Variants in NCAPH2 observed in about 807,000 individuals in gnomAD.
NCAPH2 encodes non-SMC condensin II complex subunit H2, also known as condensin-2 complex subunit H2.
NCAPH2 carries 56 observed loss-of-function variants against 88.6 expected under a neutral mutation model. The observed-to-expected ratio is 0.63, with a 90% CI of 0.51 to 0.79. The LOEUF is 0.79. Among genes scored for constraint, NCAPH2 ranks in the 30% least tolerant of loss-of-function variants. The probability of loss-of-function intolerance (pLI) is 0.00; values close to 1 mark genes in which losing one functional copy is unlikely to be tolerated. For missense variants in NCAPH2, 794 were observed against 792.0 expected (o/e 1.00, Z -0.03); for synonymous variants, 378 against 313.6 (o/e 1.21, Z -2.17).
At position 50,523,179 on chromosome 22, in the gene NCAPH2, G is replaced by A. The variant is rs2069167865; in HGVS notation, c.1677+13G>A. The A allele has an allele frequency of 6.2e-7, 1 of 1,613,566 alleles. No individual in the cohort carries two copies. Among genetic ancestry groups the A allele is most frequent in the Admixed American group, 1.7e-5 (1 of 59,960 alleles). On this transcript the variant is annotated intron_variant, in intron 19 of 19. Coordinates refer to ENST00000420993, the MANE Select transcript of NCAPH2 (RefSeq NM_152299.4). ...CTCCCTGCAGCTGGTGAGTAGCCTG[G>A]GATACGTGGGAGGGGGAGACGGTCC...
intron 1 of NCAPH2, among the ~76,000 whole-genome samples, chr22:50,514,722 C>T (rs1356579598): frequency 6.6e-6 from 1 of 152,220 alleles, no homozygotes; most frequent in African/African-American, 2.4e-5. Context: ...GGTCCTTACA[C>T]TCCGTAGACG....
rs141300835 is a variant in NCAPH2 at position 50,518,714 on chromosome 22, G to A, written c.712G>A (p.Gly238Ser). ...SVCRSPVPALGFSQEPGPSPE... is the reference protein window; with the variant it reads ...SVCRSPVPALSFSQEPGPSPE... ...GTGCAGGAGCCCTGTCCCAGCACTC[G>A]GCTTCTCCCAGGAGCCAGGTGAGAA... Residue 238 changes from glycine to serine, a missense_variant, in exon 8 of 20, where the codon GGC becomes AGC. Physicochemically the swap from Gly to Ser is moderately conservative, Grantham distance 56. Transcript: ENST00000420993. 3.1e-4 allele frequency: 505 copies of A among 1,606,978 alleles called. 1 individual carries two copies. The African/African-American group carries it at 5.5e-3, about 18-fold the overall frequency.
Position 50,517,946 on chromosome 22 carries a change from G to A in NCAPH2, c.421-27G>A, listed in dbSNP as rs776787206. Reference sequence around the variant, plus strand: ...CTCCACTGGAGTGGAAGGGTGCCTGGCTCACCCACCCTTGGCCTCCATGCA... The same window carrying A: ...CTCCACTGGAGTGGAAGGGTGCCTGACTCACCCACCCTTGGCCTCCATGCA... On this transcript the variant is annotated intron_variant, in intron 5 of 19. Transcript: ENST00000420993. 2.7e-5 allele frequency: 43 copies of A among 1,608,502 alleles called. No homozygotes were observed. In the East Asian group the frequency reaches 7.8e-4, roughly 29 times the overall value.
In NCAPH2 at chr22:50,521,749, T is replaced by C. The variant is rs2069105973; in HGVS notation, c.1009T>C (p.Tyr337His). The part of the protein sequence containing the change: ...ESKPFKKGRP[Y>H]SVPPCVEEAL... ...TCCCTGTTTGCCCCCAGGTAGGCCT[T>C]ACTCTGTGCCCCCCTGTGTGGAGGA... Residue 337 changes from tyrosine (Y) to histidine (H), a missense_variant, in exon 12 of 20, where the codon TAC becomes CAC. This residue lies in a region of NCAPH2 where 735 missense variants were observed against 696.3 expected (regional missense o/e 1.06). Coordinates refer to ENST00000420993, the MANE Select transcript of NCAPH2 (RefSeq NM_152299.4). The C allele has an allele frequency of 1.2e-6, 2 of 1,613,932 alleles. No homozygotes were observed.
rs771629047 is a variant in NCAPH2 at position 50,524,198 on chromosome 22, C to T, written c.*823C>T. 2.2e-5 allele frequency: 35 copies of T among 1,608,628 alleles called. No homozygotes were observed. The highest frequency in any genetic ancestry group is 1.1e-4 in the East Asian group (5 of 44,890). ...GCCCTCAGGGCCAGCCAGGCCCCAC[C>T]GAGTCCAGCCCCGAACAGGCCTGTG... is the stretch of plus-strand genomic sequence containing the variant. On this transcript the variant is annotated 3_prime_UTR_variant, in exon 20 of 20. Transcript: ENST00000420993.
intron 6 of NCAPH2, 38 bp downstream of exon 6, chr22:50,518,090 C>T (rs749922312): frequency 1.2e-5 from 20 of 1,613,268 alleles, no homozygotes; most frequent in Middle Eastern, 1.6e-4. Context: ...GGGAGGCCTG[C>T]CTGGGAAGGG....
chr22:50,521,429 G>C, intron 10 of NCAPH2, 114 bp from the exon 11 acceptor site: 2 of 1,111,260 alleles, frequency 1.8e-6, no homozygotes, highest in Non-Finnish European at 2.7e-6. Context: ...TGGGAGCGCG[G>C]CTGTGTACCC....
At position 50,523,045 on chromosome 22, in the gene NCAPH2, C is replaced by T. The variant is rs756864328; in HGVS notation, c.1556C>T (p.Thr519Ile). Residue 519 changes from threonine to isoleucine, a missense_variant, in exon 19 of 20, where the codon ACC becomes ATC. Thr to Ile is a moderately conservative substitution (Grantham distance 89, BLOSUM62 -1). Coordinates refer to ENST00000420993, the MANE Select transcript of NCAPH2 (RefSeq NM_152299.4). ...CAGCATGTGCCCTTTGACATCCACACCTATGGGGACCAGCTGGTCTCACGG... is the reference window on the plus strand; with the variant it reads ...CAGCATGTGCCCTTTGACATCCACATCTATGGGGACCAGCTGGTCTCACGG... Reference protein sequence around the residue: ...QEQHVPFDIHTYGDQLVSRFP... With the variant: ...QEQHVPFDIHIYGDQLVSRFP... 1.2e-6 allele frequency: 2 copies of T among 1,604,426 alleles called. No homozygotes were observed. The highest frequency in any genetic ancestry group is 1.7e-5 in the Admixed American group (1 of 59,700).
At chr22:50,510,902 A>G (rs2068763883) in intron 1 of NCAPH2, among the ~76,000 whole-genome samples, 2 of 151,178 alleles carry the variant, frequency 1.3e-5, no homozygotes, top group Non-Finnish European at 2.9e-5. Flanking sequence ...GCTGGAGTGC[A>G]GTGGCATGAT....
intron 9 of NCAPH2, chr22:50,519,758 A>G (rs951436630): frequency 8.0e-6 from 8 of 1,002,128 alleles, no homozygotes; most frequent in African/African-American, 5.2e-5. Flanking sequence ...CCTGATGCAT[A>G]CAGAGGAAAT....
intron 1 of NCAPH2, among the ~76,000 whole-genome samples, chr22:50,515,368 C>T (rs1045692036): frequency 1.3e-5 from 2 of 151,422 alleles, no homozygotes; most frequent in African/African-American, 4.9e-5. Flanking sequence ...TGAGACCAAC[C>T]TGGGCAACAT....
intron 9 of NCAPH2, chr22:50,519,710 A>G: frequency 9.4e-7 from 1 of 1,066,596 alleles, no homozygotes; most frequent in Non-Finnish European, 1.1e-6. Context: ...GCCTAGAGCC[A>G]AGAAATCCTT....
At chr22:50,509,318 C>T (rs2068721059) in intron 1 of NCAPH2, among the ~76,000 whole-genome samples, 1 of 152,156 alleles carries the variant, frequency 6.6e-6, no homozygotes, top group East Asian at 1.9e-4. Context: ...TATCCAGCTG[C>T]TCTCTTGACA....
Position 50,508,364 on chromosome 22 carries a change from C to G in NCAPH2, c.27C>G (p.Ala9=), listed in dbSNP as rs1187697429. The G allele has an allele frequency of 1.3e-6, 2 of 1,483,020 alleles. No homozygotes were observed. Among genetic ancestry groups the G allele is most frequent in the Non-Finnish European group, 8.9e-7 (1 of 1,121,124 alleles). The allele number at this position is 1,483,020 out of a possible 1,614,324, so 91.9% of individuals were successfully genotyped here. MEDVEARF[A]HLLQPIRDLT... is the part of the protein sequence containing the mutation. Reference sequence around the variant, plus strand: ...TGGAGGACGTGGAGGCGCGCTTCGCCCACCTCTTGCAGCCCATCCGCGACC... The same window carrying G: ...TGGAGGACGTGGAGGCGCGCTTCGCGCACCTCTTGCAGCCCATCCGCGACC... The change falls in exon 1 of 20, where the codon GCC becomes GCG. Residue 9 remains alanine, a synonymous_variant. Coordinates refer to ENST00000420993, the MANE Select transcript of NCAPH2 (RefSeq NM_152299.4).
chr22:50,518,620 T>A, intron 7 of NCAPH2, 29 bp from the exon 8 acceptor site: 1 of 1,577,074 alleles, frequency 6.3e-7, no homozygotes, highest in Non-Finnish European at 8.6e-7. Context: ...GGGGCTGGGC[T>A]GACCTTGTCT....
chr22:50,521,444 C>G, intron 10 of NCAPH2, 99 bp from the exon 11 acceptor site: 2 of 1,281,064 alleles, frequency 1.6e-6, no homozygotes, highest in Non-Finnish European at 2.3e-6. Context: ...GTACCCCCTA[C>G]TCTTCCTTTG....
intron 1 of NCAPH2, among the ~76,000 whole-genome samples, chr22:50,515,272 C>T (rs543810800): frequency 3.9e-5 from 6 of 152,262 alleles, no homozygotes; most frequent in East Asian, 3.9e-4. Context: ...TTCAAAGTGT[C>T]GTTTGTGGCT....
At chr22:50,513,319 G>A (rs1054573375) in intron 1 of NCAPH2, among the ~76,000 whole-genome samples, 1 of 151,696 alleles carries the variant, frequency 6.6e-6, no homozygotes, top group Non-Finnish European at 1.5e-5. Context: ...AGCAGTTTGG[G>A]GGGCCAAGGT....
In NCAPH2 at chr22:50,522,094, C is replaced by CCCCA. The variant is rs2069120413; in HGVS notation, c.1162+58_1162+61dup. 3 of 1,612,976 alleles carry CCCCA rather than the reference C, an allele frequency of 1.9e-6. No homozygotes were observed. The African/African-American group carries it at 4.0e-5, about 22-fold the overall frequency. On this transcript the variant is annotated intron_variant, in intron 13 of 19. Transcript: ENST00000420993. ...TTTACTCTCCTTCCCCTACCTCTTC[C>CCCCA]CCCACCTGGTGTCACCCAAAGCCTT...
Sources: allele counts gnomAD v4.1 joint callset (sites outside exome capture counted in the v4.1 genomes callset), GRCh38; gene constraint gnomAD v4.1.1; regional missense constraint gnomAD v4.1.1; transcripts MANE v1.5; gene names NCBI Gene and HGNC (gene_info 2026-07-23, HGNC 2026-07-21).